Variants in RRAGC observed in about 807,000 individuals in gnomAD.
RRAGC encodes the protein ras-related GTP-binding protein C.
A neutral mutation model predicts 37.1 loss-of-function variants in RRAGC; 8 were observed. The observed-to-expected ratio is 0.22, with a 90% CI of 0.13 to 0.39. The LOEUF is 0.39. Among genes scored for constraint, RRAGC ranks in the 10% least tolerant of loss-of-function variants. The pLI is 1.00. For missense variants in RRAGC, 342 were observed against 497.6 expected (o/e 0.69, Z 2.98); for synonymous variants, 190 against 181.1 (o/e 1.05, Z -0.39).
chr1:38,851,337 A>T (rs891666715), intron 5 of RRAGC, among the ~76,000 whole-genome samples: 33 of 152,270 alleles, frequency 2.2e-4, no homozygotes, highest in African/African-American at 7.2e-4. Context: ...ACACAGTGCA[A>T]CCCTCCCCCA....
intron 1 of RRAGC, 105 bp from the exon 2 acceptor site, chr1:38,857,187 T>G: frequency 1.2e-6 from 1 of 868,518 alleles, no homozygotes; most frequent in South Asian, 1.8e-5. Flanking sequence ...CAAAAAAAAA[T>G]TTTTTTTGAA....
chr1:38,858,736 A>G (rs1642197746), intron 1 of RRAGC, among the ~76,000 whole-genome samples: 1 of 152,224 alleles, frequency 6.6e-6, no homozygotes, highest in Non-Finnish European at 1.5e-5. Flanking sequence ...ACAGCCCTCC[A>G]TTTGTTCATG....
chr1:38,839,516 A>G lies in RRAGC; in HGVS notation c.*37T>C. On this transcript the variant is annotated 3_prime_UTR_variant, in exon 7 of 7. Transcript: ENST00000373001. ...CGTGGCATCCGACCCTGGAGTGAAG[A>G]GTAAGCTGGCACAGAGCCCCGACGC... 5 of 1,611,344 alleles carry G rather than the reference A, an allele frequency of 3.1e-6. No individual in the cohort carries two copies. Among genetic ancestry groups the G allele is most frequent in the Non-Finnish European group, 4.2e-6 (5 of 1,178,136 alleles).
At position 38,859,595 on chromosome 1, in the gene RRAGC, C is replaced by T. The variant is rs868545440; in HGVS notation, c.52G>A (p.Ala18Thr). 15 of 1,568,662 alleles carry T rather than the reference C, an allele frequency of 9.6e-6. No individual in the cohort carries two copies. The highest frequency in any genetic ancestry group is 1.2e-5 in the South Asian group (1 of 85,646). The stretch of plus-strand genomic sequence containing the variant: ...AAGTCCTTTGGAAACGAATCGGCCG[C>T]GCCGTAACTGCCGGCGAGGGGCGTC... ...EETPLAGSYG[A>T]ADSFPKDFGY... The change falls in exon 1 of 7, where the codon GCG (alanine) becomes ACG (threonine). Residue 18 changes from alanine (A) to threonine (T), a missense_variant. By Grantham distance (58) the Ala-to-Thr change is moderately conservative (BLOSUM62 0). This residue lies in a region of RRAGC where 104 missense variants were observed against 93.4 expected (regional missense o/e 1.11). Transcript: ENST00000373001.
In RRAGC at chr1:38,845,203, T is replaced by C. The variant is rs559621460; in HGVS notation, c.1048+736A>G. Among the ~76,000 whole-genome samples, 41 of 152,244 alleles carry C rather than the reference T, an allele frequency of 2.7e-4. No homozygotes were observed. In the South Asian group the frequency reaches 7.5e-3, roughly 28 times the overall value. On this transcript the variant is annotated intron_variant, in intron 6 of 6. Transcript: ENST00000373001. ...ATGCTTATTGCAGCACTCTTCACAA[T>C]AGCAAAGACTCGGAACCAACCCAAA...
At chr1:38,851,265 T>C (rs1351708493) in intron 5 of RRAGC, among the ~76,000 whole-genome samples, 1 of 118,946 alleles carries the variant, frequency 8.4e-6, no homozygotes, top group Non-Finnish European at 1.7e-5. Flanking sequence ...ACTTACTTTG[T>C]TATTCAGACC....
At chr1:38,848,335 G>C (rs1642052541) in intron 5 of RRAGC, among the ~76,000 whole-genome samples, 1 of 151,990 alleles carries the variant, frequency 6.6e-6, no homozygotes, top group Non-Finnish European at 1.5e-5. Context: ...TGGAAAGTGA[G>C]AACAAGAACT....
Position 38,846,064 on chromosome 1 carries a change from C to T in RRAGC, c.923G>A (p.Ser308Asn). The change falls in exon 6 of 7, where the codon AGT becomes AAT. Residue 308 changes from serine to asparagine, a missense_variant. Transcript: ENST00000373001. The part of the protein sequence containing the change: ...IYGLKEDGSG[S>N]AYDKESMAII... Reference sequence around the variant, plus strand: ...TGCCATAGATTCTTTGTCATAAGCACTTCCACTTCCATCTTCCTTTAACCT... The same window carrying T: ...TGCCATAGATTCTTTGTCATAAGCATTTCCACTTCCATCTTCCTTTAACCT... The T allele has an allele frequency of 1.2e-6, 2 of 1,609,686 alleles. No homozygotes were observed. Among genetic ancestry groups the T allele is most frequent in the Non-Finnish European group, 1.7e-6 (2 of 1,177,654 alleles).
chr1:38,846,325 AG>A, intron 5 of RRAGC: 27 of 420,628 alleles, frequency 6.4e-5, no homozygotes, highest in Non-Finnish European at 8.7e-5. Context: ...AGACATTTGG[AG>A]AAAAAGGTGC....
chr1:38,848,233 C>T (rs1642051516), intron 5 of RRAGC, among the ~76,000 whole-genome samples: 1 of 152,130 alleles, frequency 6.6e-6, no homozygotes, highest in Non-Finnish European at 1.5e-5. Flanking sequence ...AAGAAAACTA[C>T]TTCCTTCTAA....
chr1:38,850,092 G>A lies in RRAGC; in HGVS notation c.899+1523C>T, dbSNP rs143945895. Among the ~76,000 whole-genome samples the A allele has an allele frequency of 5.3e-3, 811 of 152,192 alleles. 5 individuals are homozygous for A. The highest frequency in any genetic ancestry group is 8.7e-3 in the Non-Finnish European group (589 of 68,014). On this transcript the variant is annotated intron_variant, in intron 5 of 6. Transcript: ENST00000373001. The stretch of plus-strand genomic sequence containing the variant: ...ATGGTGGCAGGCACCTATAATCCCA[G>A]CTACTCGGGAGGCTGACGCAGGAGA...
Position 38,851,600 on chromosome 1 carries a change from A to G in RRAGC, c.899+15T>C. The G allele has an allele frequency of 6.7e-7, 1 of 1,484,968 alleles. No homozygotes were observed. The highest frequency in any genetic ancestry group is 8.9e-7 in the Non-Finnish European group (1 of 1,122,220). 92.0% of individuals were successfully genotyped at this position (1,484,968 alleles called of 1,614,324 possible). A position where few individuals can be genotyped will look rare whatever the true frequency, so the allele number is the denominator to read the frequency against. On this transcript the variant is annotated intron_variant, in intron 5 of 6. Coordinates refer to ENST00000373001, the MANE Select transcript of RRAGC (RefSeq NM_022157.4). Reference sequence around the variant, plus strand: ...CGCCTGTCTGAGATATTGCAGGAATATATACATAACTTACCCATATATACA... The same window carrying G: ...CGCCTGTCTGAGATATTGCAGGAATGTATACATAACTTACCCATATATACA...
chr1:38,845,852 G>T, intron 6 of RRAGC, 87 bp downstream of exon 6: 1 of 1,138,680 alleles, frequency 8.8e-7, no homozygotes. Context: ...GTCTAACACT[G>T]CAATTATTAT....
chr1:38,850,277 G>A (rs1450485638), intron 5 of RRAGC, among the ~76,000 whole-genome samples: 16 of 151,094 alleles, frequency 1.1e-4, no homozygotes, highest in Admixed American at 3.3e-4. Context: ...TTGGGAGGCC[G>A]AGGCGGGTGG....
chr1:38,852,627 C>G (rs1570867807), intron 3 of RRAGC, 139 bp from the exon 4 acceptor site: 1 of 513,912 alleles, frequency 1.9e-6, no homozygotes, highest in African/African-American at 2.0e-5. Context: ...GTCTACCATA[C>G]CCATCACTCA....
intron 1 of RRAGC, 134 bp downstream of exon 1, chr1:38,859,276 C>T (rs937486741): frequency 1.0e-5 from 9 of 872,140 alleles, no homozygotes; most frequent in Middle Eastern, 3.6e-4. Flanking sequence ...CGCCTGTGCG[C>T]TCGCAAGAGT....
rs919420187 is a variant in RRAGC at position 38,854,228 on chromosome 1, C to T, written c.641+1480G>A. Among the ~76,000 whole-genome samples the T allele has an allele frequency of 3.9e-5, 6 of 152,144 alleles. No individual in the cohort carries two copies. In the East Asian group the frequency reaches 5.8e-4, roughly 15 times the overall value. ...GACTACAGGCACACACCACAATGCCCGGCTAATTTTTTGTATTTTTAGTAG... is the reference window on the plus strand; with the variant it reads ...GACTACAGGCACACACCACAATGCCTGGCTAATTTTTTGTATTTTTAGTAG... On this transcript the variant is annotated intron_variant, in intron 3 of 6. Transcript: ENST00000373001.
intron 3 of RRAGC, among the ~76,000 whole-genome samples, chr1:38,853,518 G>A (rs934798946): frequency 2.0e-5 from 3 of 152,210 alleles, no homozygotes; most frequent in Non-Finnish European, 4.4e-5. Flanking sequence ...GGCCAAGGCA[G>A]GTGGACCACT....
At chr1:38,857,154 T>C (rs1642177651) in intron 1 of RRAGC, 72 bp from the exon 2 acceptor site, 1 of 1,279,500 alleles carries the variant, frequency 7.8e-7, no homozygotes, top group Admixed American at 2.1e-5. Flanking sequence ...CACCCTGGTT[T>C]AACATTTAAA....
Sources: allele counts gnomAD v4.1 joint callset (sites outside exome capture counted in the v4.1 genomes callset), GRCh38; gene constraint gnomAD v4.1.1; regional missense constraint gnomAD v4.1.1; transcripts MANE v1.5; gene names NCBI Gene and HGNC (gene_info 2026-07-23, HGNC 2026-07-21).